The following MAGI3 variants were observed in gnomAD, a reference collection of about 807,000 sequenced individuals.
The protein encoded by MAGI3 is membrane associated guanylate kinase, WW and PDZ domain containing 3.
In MAGI3, 43 loss-of-function variants were observed where a neutral mutation model predicts 121.8. That is an observed-to-expected ratio of 0.35 (90% CI 0.28 to 0.46). MAGI3 has a LOEUF of 0.46. MAGI3 is among the 20% of genes least tolerant of loss of function. The probability of loss-of-function intolerance (pLI) is 1.00; values close to 1 mark genes in which losing one functional copy is unlikely to be tolerated. For missense variants in MAGI3, 1,547 were observed against 1,797.3 expected (o/e 0.86, Z 2.52); for synonymous variants, 553 against 639.3 (o/e 0.86, Z 2.04).
chr1:113,648,262 A>T (rs1357645565), intron 12 of MAGI3, among the ~76,000 whole-genome samples: 1 of 152,186 alleles, frequency 6.6e-6, no homozygotes, highest in African/African-American at 2.4e-5. Flanking sequence ...ATAGAATATT[A>T]TCAGGAATTT....
At chr1:113,580,905 G>A (rs925741130) in intron 3 of MAGI3, 1 of 248,880 alleles carries the variant, frequency 4.0e-6, no homozygotes, top group Admixed American at 5.4e-5. Flanking sequence ...AAATCAGCCA[G>A]ACTGGCCAGT....
chr1:113,450,152 T>C, intron 1 of MAGI3: 1 of 1,489,838 alleles, frequency 6.7e-7, no homozygotes, highest in East Asian at 2.3e-5. Flanking sequence ...TTTGTAACTT[T>C]TGATGAGCAT....
chr1:113,545,217 T>C (rs765498968), intron 1 of MAGI3, among the ~76,000 whole-genome samples: 2 of 152,160 alleles, frequency 1.3e-5, no homozygotes, highest in Non-Finnish European at 2.9e-5. Context: ...TAAACTGTGG[T>C]AAAATTTGAA....
chr1:113,572,392 A>T (rs538864032), intron 2 of MAGI3, among the ~76,000 whole-genome samples: 1 of 152,202 alleles, frequency 6.6e-6, no homozygotes, highest in African/African-American at 2.4e-5. Context: ...TGGTATCAGG[A>T]TGATGCTGGA....
intron 2 of MAGI3, among the ~76,000 whole-genome samples, chr1:113,570,348 A>G (rs1212673962): frequency 2.0e-5 from 3 of 152,106 alleles, no homozygotes; most frequent in Non-Finnish European, 4.4e-5. Context: ...GCTGCAATAA[A>G]CATACATGTG....
intron 1 of MAGI3, among the ~76,000 whole-genome samples, chr1:113,482,754 A>T (rs1019773872): frequency 6.6e-6 from 1 of 151,584 alleles, no homozygotes; most frequent in African/African-American, 2.4e-5. Context: ...GTAGGGTTAA[A>T]GGCATGATGC....
Position 113,643,810 on chromosome 1 carries a change from C to A in MAGI3, c.1998+36C>A. ...ACTGGTCCTCAAATCTTTTCCCCAACACACTGAGAGAGATGCCACATTCCC... is the reference window on the plus strand; with the variant it reads ...ACTGGTCCTCAAATCTTTTCCCCAAAACACTGAGAGAGATGCCACATTCCC... On this transcript the variant is annotated intron_variant, in intron 11 of 20. Coordinates refer to ENST00000307546, the MANE Select transcript of MAGI3 (RefSeq NM_001142782.2). 2.5e-6 allele frequency: 4 copies of A among 1,597,020 alleles called. No individual in the cohort carries two copies. In the South Asian group the frequency reaches 3.3e-5, roughly 13 times the overall value.
At chr1:113,406,801 G>A (rs1200896101) in intron 1 of MAGI3, among the ~76,000 whole-genome samples, 1 of 152,116 alleles carries the variant, frequency 6.6e-6, no homozygotes, top group Non-Finnish European at 1.5e-5. Flanking sequence ...TAGAAAAAAT[G>A]TGTTACAGTG....
chr1:113,621,424 A>T (rs1650810934), intron 8 of MAGI3, among the ~76,000 whole-genome samples: 1 of 152,166 alleles, frequency 6.6e-6, no homozygotes, highest in Non-Finnish European at 1.5e-5. Context: ...GTAGAGAGTG[A>T]AGTAAAATTG....
intron 2 of MAGI3, among the ~76,000 whole-genome samples, chr1:113,561,681 C>G (rs1357577028): frequency 6.6e-6 from 1 of 152,116 alleles, no homozygotes; most frequent in Non-Finnish European, 1.5e-5. Flanking sequence ...AAAGCTGGAA[C>G]CATTCCCCTT....
chr1:113,394,089 C>G (rs1570906155), intron 1 of MAGI3, among the ~76,000 whole-genome samples: 1 of 152,198 alleles, frequency 6.6e-6, no homozygotes, highest in Non-Finnish European at 1.5e-5. Context: ...CTTCTTTTCA[C>G]TTAGGTGCTA....
At chr1:113,437,854 CTTCTTCT>C (rs1303333139) in intron 1 of MAGI3, among the ~76,000 whole-genome samples, 4 of 51,632 alleles carry the variant, frequency 7.7e-5, no homozygotes, top group Non-Finnish European at 1.5e-4. Context: ...TCTTCTTCTT[CTTCTTCT>C]TCCTCTTCTT....
intron 1 of MAGI3, among the ~76,000 whole-genome samples, chr1:113,519,182 G>A (rs1189674541): frequency 6.6e-6 from 1 of 152,010 alleles, no homozygotes; most frequent in African/African-American, 2.4e-5. Flanking sequence ...ATGTGAACTT[G>A]GGGGTGGGGG....
chr1:113,417,026 T>A (rs183212845), intron 1 of MAGI3, among the ~76,000 whole-genome samples: 24 of 152,152 alleles, frequency 1.6e-4, no homozygotes, highest in East Asian at 5.8e-4. Flanking sequence ...ATTGATTTTT[T>A]AAAAAACTTT....
intron 1 of MAGI3, among the ~76,000 whole-genome samples, chr1:113,506,215 T>C (rs1209301114): frequency 6.6e-6 from 1 of 152,210 alleles, no homozygotes; most frequent in Non-Finnish European, 1.5e-5. Flanking sequence ...TAGACTGATA[T>C]ATTTTAGTTG....
intron 9 of MAGI3, among the ~76,000 whole-genome samples, chr1:113,633,722 A>G (rs907751168): frequency 4.6e-5 from 7 of 152,296 alleles, no homozygotes; most frequent in Admixed American, 2.0e-4. Context: ...TTATAGCAGC[A>G]TGATCTATAG....
At chr1:113,564,106 T>G (rs2101692293) in intron 2 of MAGI3, among the ~76,000 whole-genome samples, 1 of 152,330 alleles carries the variant, frequency 6.6e-6, no homozygotes, top group East Asian at 1.9e-4. Flanking sequence ...GCCATGTGGT[T>G]TCTCTCTCTT....
At chr1:113,635,354 C>T (rs1055800364) in intron 9 of MAGI3, among the ~76,000 whole-genome samples, 3 of 152,114 alleles carry the variant, frequency 2.0e-5, no homozygotes, top group Admixed American at 6.6e-5. Context: ...ATGATATTGG[C>T]TGTGGGTTTG....
chr1:113,406,854 A>G (rs1651709982), intron 1 of MAGI3, among the ~76,000 whole-genome samples: 1 of 152,188 alleles, frequency 6.6e-6, no homozygotes, highest in South Asian at 2.1e-4. Flanking sequence ...AAGTTTATTT[A>G]GATTGGGTGG....
Sources: gnomAD v4.1 joint callset for allele counts (sites outside exome capture counted in the v4.1 genomes callset) on GRCh38, gnomAD v4.1.1 for gene constraint, MANE v1.5 for transcripts, NCBI Gene and HGNC (gene_info 2026-07-23, HGNC 2026-07-21) for gene names.